Variants in SAFB2 observed in about 807,000 individuals in gnomAD.
SAFB2 encodes scaffold attachment factor B2.
Under a neutral mutation model 100.6 loss-of-function variants are expected in SAFB2, and 32 were observed. That is an observed-to-expected ratio of 0.32 (90% CI 0.24 to 0.43). The LOEUF is 0.43. SAFB2 is among the 20% of genes least tolerant of loss of function. The pLI, the probability that SAFB2 is intolerant of heterozygous loss-of-function variation, is 1.00. For missense variants in SAFB2, 1,185 were observed against 1,163.4 expected, an observed-to-expected ratio of 1.02 and a Z score of -0.27; for synonymous variants, 500 against 439.4, an observed-to-expected ratio of 1.14 and a Z score of -1.72.
In SAFB2 at chr19:5,594,010, A is replaced by ACGCTCCACGCGCATGCGCTCG; in HGVS notation, c.2067_2087dup (p.Met692_Arg698dup). 1 of 1,562,422 alleles carries ACGCTCCACGCGCATGCGCTCG rather than the reference A, an allele frequency of 6.4e-7. No individual in the cohort carries two copies. Among genetic ancestry groups the ACGCTCCACGCGCATGCGCTCG allele is most frequent in the Non-Finnish European group, 8.6e-7 (1 of 1,161,232 alleles). On this transcript the variant is annotated inframe_insertion, in exon 15 of 21. Coordinates refer to ENST00000252542, the MANE Select transcript of SAFB2 (RefSeq NM_014649.3). ...TGCGCTCCTGCTCCTTCCTGCGCTC[A>ACGCTCCACGCGCATGCGCTCG]CGCTCCACGCGCATGCGCTCGCGCT...
chr19:5,616,551 G>T, intron 2 of SAFB2, 65 bp from the exon 3 acceptor site: 1 of 1,332,390 alleles, frequency 7.5e-7, no homozygotes, highest in Non-Finnish European at 1.1e-6. Flanking sequence ...AGTTTATGCA[G>T]AATAGATTTC....
chr19:5,598,206 A>G (rs1378955806), intron 13 of SAFB2, among the ~76,000 whole-genome samples: 1 of 152,100 alleles, frequency 6.6e-6, no homozygotes, highest in Admixed American at 6.5e-5. Flanking sequence ...TGAACTCCAC[A>G]TTCGTTAAAA....
chr19:5,595,076 T>TG (rs1487702293), intron 14 of SAFB2, among the ~76,000 whole-genome samples: 1 of 152,218 alleles, frequency 6.6e-6, no homozygotes, highest in Non-Finnish European at 1.5e-5. Flanking sequence ...CTTGAACTCC[T>TG]GGCTTCAGGG....
At chr19:5,590,442 C>T in intron 17 of SAFB2, 34 bp from the exon 18 acceptor site, 2 of 1,564,480 alleles carry the variant, frequency 1.3e-6, no homozygotes, top group Admixed American at 1.8e-5. Flanking sequence ...GTGACACTGA[C>T]CATGTCACCC....
At chr19:5,622,379 C>A in intron 1 of SAFB2, 151 bp downstream of exon 1, 1 of 663,008 alleles carries the variant, frequency 1.5e-6, no homozygotes, top group Non-Finnish European at 2.4e-6. Context: ...GGTCACACAG[C>A]CGGCCCCCTG....
At chr19:5,616,891 C>T (rs2053045847) in intron 2 of SAFB2, among the ~76,000 whole-genome samples, 1 of 152,018 alleles carries the variant, frequency 6.6e-6, no homozygotes, top group Admixed American at 6.6e-5. Flanking sequence ...ACCTCGTGAT[C>T]CACCAGCCTC....
At chr19:5,595,835 G>A (rs1278485727) in intron 13 of SAFB2, among the ~76,000 whole-genome samples, 1 of 152,236 alleles carries the variant, frequency 6.6e-6, no homozygotes, top group Non-Finnish European at 1.5e-5. Context: ...AGAGCCACGG[G>A]CACATCCGCA....
chr19:5,596,387 C>T (rs905093728), intron 13 of SAFB2, among the ~76,000 whole-genome samples: 2 of 152,212 alleles, frequency 1.3e-5, no homozygotes, highest in African/African-American at 4.8e-5. Context: ...GAGACCCAGT[C>T]TTGTTCTGTT....
chr19:5,608,940 C>G (rs192769999), intron 9 of SAFB2, among the ~76,000 whole-genome samples: 2 of 150,908 alleles, frequency 1.3e-5, no homozygotes, highest in Non-Finnish European at 2.9e-5. Context: ...CCCAGCTACT[C>G]GAGAAGCTAA....
rs2052901292 is a variant in SAFB2, at chr19:5,611,166, C to A, written c.1099G>T (p.Ala367Ser). The A allele has an allele frequency of 2.1e-6, 1 of 483,108 alleles. No homozygotes were observed. The highest frequency in any genetic ancestry group is 3.5e-6 in the Non-Finnish European group (1 of 289,448). 29.9% of individuals were successfully genotyped at this position (483,108 alleles called of 1,614,324 possible). ...DFDACNEVPP[A>S]PKESSTSEGA... ...TCACTGGTTGAGGACTCTTTAGGAGCCGGAGGGACTTCATTACAAGCGTCA... is the reference window on the plus strand; with the variant it reads ...TCACTGGTTGAGGACTCTTTAGGAGACGGAGGGACTTCATTACAAGCGTCA... Residue 367 changes from alanine (A) to serine (S), a missense_variant, in exon 7 of 21, where the codon GCT (alanine) becomes TCT (serine). This residue lies in a region of SAFB2 where 351 missense variants were observed against 341.2 expected (regional missense o/e 1.03). Transcript: ENST00000252542.
chr19:5,597,744 G>A (rs1424448302), intron 13 of SAFB2, among the ~76,000 whole-genome samples: 2 of 152,138 alleles, frequency 1.3e-5, no homozygotes, highest in Non-Finnish European at 2.9e-5. Flanking sequence ...CTTTTTCAAT[G>A]TTCTACTCTA....
rs746626847 is a variant in SAFB2 at position 5,611,547 on chromosome 19, A to C, written c.718T>G (p.Phe240Val). 4 of 475,614 alleles carry C rather than the reference A, an allele frequency of 8.4e-6. No homozygotes were observed. In the African/African-American group the frequency reaches 1.7e-4, roughly 21 times the overall value. 29.5% of individuals were successfully genotyped at this position (475,614 alleles called of 1,614,324 possible). A position where few individuals can be genotyped will look rare whatever the true frequency, so the allele number is the denominator to read the frequency against. The change falls in exon 7 of 21, where the codon TTT becomes GTT. Residue 240 changes from phenylalanine (F) to valine (V), a missense_variant. By Grantham distance (50) the Phe-to-Val change is conservative. Transcript: ENST00000252542. ...CCCACGCTACTTGTGTCCTGTGCAA[A>C]TGGCTGCTCCAGCTCGGAACTTTCT... ...KEESSELEQP[F>V]AQDTSSVGPD...
intron 17 of SAFB2, 97 bp from the exon 18 acceptor site, chr19:5,590,505 G>A: frequency 7.3e-7 from 1 of 1,366,642 alleles, no homozygotes; most frequent in South Asian, 1.5e-5. Flanking sequence ...AGGGTGGCAG[G>A]TGGGGCGGAG....
At chr19:5,607,248 G>A (rs913800225) in intron 9 of SAFB2, among the ~76,000 whole-genome samples, 1 of 152,078 alleles carries the variant, frequency 6.6e-6, no homozygotes, top group African/African-American at 2.4e-5. Context: ...GCGACAGAGC[G>A]AGACTCCGTC....
At position 5,593,980 on chromosome 19, in the gene SAFB2, G is replaced by C. The variant is rs925306386; in HGVS notation, c.2118C>G (p.His706Gln). Residue 706 changes from histidine to glutamine, a missense_variant, in exon 15 of 21, where the codon CAC (histidine) becomes CAG (glutamine). Physicochemically the swap from His to Gln is conservative, Grantham distance 24 (BLOSUM62 0). Coordinates refer to ENST00000252542, the MANE Select transcript of SAFB2 (RefSeq NM_014649.3). ...GGCGCCGCAGCTCCTCGCGCTCGCG[G>C]TGGATGCGCTCCTGCTCCTTCCTGC... Reference protein sequence around the residue: ...RERRKEQERIHREREELRRQQ... With the variant: ...RERRKEQERIQREREELRRQQ... 6.4e-7 allele frequency: 1 copy of C among 1,555,104 alleles called. No individual in the cohort carries two copies. The highest frequency in any genetic ancestry group is 8.6e-7 in the Non-Finnish European group (1 of 1,157,322).
In SAFB2 at chr19:5,611,879, C is replaced by T. The variant is rs560290017; in HGVS notation, c.635-249G>A. ...ACAGATTTAAACACCTACAACCACG[C>T]GGCTGGTTCTCAATAGTCTTCTTCG... On this transcript the variant is annotated intron_variant, in intron 6 of 20. Coordinates refer to ENST00000252542, the MANE Select transcript of SAFB2 (RefSeq NM_014649.3). 183 of 644,358 alleles carry T rather than the reference C, an allele frequency of 2.8e-4. 1 individual carries two copies. The highest frequency in any genetic ancestry group is 2.6e-3 in the African/African-American group (144 of 54,492). The allele number at this position is 644,358 out of a possible 1,614,324, so 39.9% of individuals were successfully genotyped here. A position where few individuals can be genotyped will look rare whatever the true frequency, so the allele number is the denominator to read the frequency against.
At chr19:5,601,506 C>T (rs1224973840) in intron 11 of SAFB2, among the ~76,000 whole-genome samples, 2 of 151,870 alleles carry the variant, frequency 1.3e-5, no homozygotes, top group Non-Finnish European at 2.9e-5. Flanking sequence ...GTCAGGAGTT[C>T]GAGACCACCC....
In SAFB2 at chr19:5,600,021, C is replaced by T. The variant is rs777122868; in HGVS notation, c.1690+109G>A. The T allele has an allele frequency of 2.1e-5, 24 of 1,166,226 alleles. No homozygotes were observed. In the African/African-American group the frequency reaches 2.5e-4, roughly 12 times the overall value. The allele number at this position is 1,166,226 out of a possible 1,614,324, so 72.2% of individuals were successfully genotyped here. The stretch of plus-strand genomic sequence containing the variant: ...TTCTTTAACACTGCCATATGAACAG[C>T]GAAACAGCCATGTCACCAGAGCTTG... On this transcript the variant is annotated intron_variant, in intron 12 of 20. Coordinates refer to ENST00000252542, the MANE Select transcript of SAFB2 (RefSeq NM_014649.3).
chr19:5,587,362 G>A lies in SAFB2; in HGVS notation c.2743C>T (p.His915Tyr). The A allele has an allele frequency of 6.2e-7, 1 of 1,613,194 alleles. No individual in the cohort carries two copies. The highest frequency in any genetic ancestry group is 8.5e-7 in the Non-Finnish European group (1 of 1,179,696). The change falls in exon 21 of 21, where the codon CAC becomes TAC. Residue 915 changes from histidine (H) to tyrosine (Y), a missense_variant. Transcript: ENST00000252542. This position sits in a 1 kb window ranked among gnomAD's most constrained non-coding sequence, Gnocchi z 4.9. ...TCCAGTCCGCCACCTGGCACCACGT[G>A]GCCCTGGGAATGTCCACCTTGTGCA... Reference protein sequence around the residue: ...GFAQGGHSQGHVVPGGGLEGG... With the variant: ...GFAQGGHSQGYVVPGGGLEGG...
Sources: gnomAD v4.1 joint callset for allele counts (sites outside exome capture counted in the v4.1 genomes callset) on GRCh38, gnomAD v4.1.1 for gene constraint, gnomAD v4.1.1 regional missense constraint, Gnocchi (gnomAD v3.1) non-coding constraint, MANE v1.5 for transcripts, NCBI Gene and HGNC (gene_info 2026-07-23, HGNC 2026-07-21) for gene names.